The following NOL4L variants were observed in gnomAD, a reference collection of about 807,000 sequenced individuals.
NOL4L encodes nucleolar protein 4-like.
In NOL4L, 7 loss-of-function variants were observed where a neutral mutation model predicts 64.5. That is an observed-to-expected ratio of 0.11 (90% CI 0.06 to 0.20). The LOEUF is 0.20. Among genes scored for constraint, NOL4L ranks in the 10% least tolerant of loss-of-function variants. The pLI is 1.00. For synonymous variants in NOL4L, 413 were observed against 401.0 expected, an observed-to-expected ratio of 1.03 and a Z score of -0.36; for missense variants, 680 against 967.1, an observed-to-expected ratio of 0.70 and a Z score of 3.94.
At chr20:32,480,235 C>G (rs1260670311) in intron 4 of NOL4L, among the ~76,000 whole-genome samples, 1 of 152,184 alleles carries the variant, frequency 6.6e-6, no homozygotes, top group African/African-American at 2.4e-5. Context: ...TTCCTGAGAG[C>G]TGTAATTCTA....
intron 1 of NOL4L, among the ~76,000 whole-genome samples, chr20:32,551,483 A>G (rs2018801758): frequency 6.6e-6 from 1 of 152,158 alleles, no homozygotes; most frequent in South Asian, 2.1e-4. Flanking sequence ...AAATGTCTTT[A>G]AGTGGTGCAT....
chr20:32,486,628 A>C, intron 4 of NOL4L: 1 of 451,612 alleles, frequency 2.2e-6, no homozygotes, highest in South Asian at 1.6e-5. Context: ...CTGTTCAAGC[A>C]CGTCAAAACA....
intron 1 of NOL4L, among the ~76,000 whole-genome samples, chr20:32,570,559 G>A (rs1476745306): frequency 6.6e-6 from 1 of 152,114 alleles, no homozygotes; most frequent in African/African-American, 2.4e-5. Context: ...CAGGCGCAGG[G>A]ATTGAGTTCC....
chr20:32,470,398 T>C (rs1056523722), intron 5 of NOL4L, among the ~76,000 whole-genome samples: 2 of 152,232 alleles, frequency 1.3e-5, no homozygotes, highest in Non-Finnish European at 2.9e-5. Flanking sequence ...CACTCATTCA[T>C]TCAACAAACA....
intron 1 of NOL4L, chr20:32,535,831 G>A: frequency 1.0e-6 from 1 of 985,592 alleles, no homozygotes; most frequent in Non-Finnish European, 1.2e-6. Flanking sequence ...AGGGGCTGGG[G>A]AAATGCAGAT....
rs2012245017 is a variant in NOL4L at position 32,444,376 on chromosome 20, C to T, written c.*3220G>A. On this transcript the variant is annotated 3_prime_UTR_variant, in exon 11 of 11. Coordinates refer to ENST00000621426, the MANE Select transcript of NOL4L (RefSeq NM_001256798.2). ...AAATTACAAATTAAAAGTATCAACC[C>T]TCTGAGTTCAAAGCAGCATTTTGAA... is the stretch of plus-strand genomic sequence containing the variant. 6.6e-6 allele frequency: 1 copy of T among 152,138 alleles called. No individual in the cohort carries two copies. Among genetic ancestry groups the T allele is most frequent in the Non-Finnish European group, 1.5e-5 (1 of 68,026 alleles). The allele number at this position is 152,138 out of a possible 1,614,324, so 9.4% of individuals were successfully genotyped here.
Position 32,447,734 on chromosome 20 carries a change from G to C in NOL4L, c.1905C>G (p.Ser635Arg). ...PTPTPSSTST[S>R]RPVPTAQLSP... ...TGAGCTGAGCGGTGGGCACGGGCCTGCTGGTGCTGGTGCTGGAGGGGGTGG... is the reference window on the plus strand; with the variant it reads ...TGAGCTGAGCGGTGGGCACGGGCCTCCTGGTGCTGGTGCTGGAGGGGGTGG... The change falls in exon 11 of 11, where the codon AGC becomes AGG. Residue 635 changes from serine to arginine, a missense_variant. Ser to Arg is a moderately radical substitution (Grantham distance 110). Coordinates refer to ENST00000621426, the MANE Select transcript of NOL4L (RefSeq NM_001256798.2). 1 of 1,601,100 alleles carries C rather than the reference G, an allele frequency of 6.2e-7. No individual in the cohort carries two copies. The highest frequency in any genetic ancestry group is 8.5e-7 in the Non-Finnish European group (1 of 1,172,514).
intron 1 of NOL4L, among the ~76,000 whole-genome samples, chr20:32,566,650 C>T (rs1979447038): frequency 6.6e-6 from 1 of 152,178 alleles, no homozygotes; most frequent in African/African-American, 2.4e-5. Context: ...CACCCAATTC[C>T]CGTATAATTT....
chr20:32,447,941 G>A (rs569209037), intron 10 of NOL4L, 125 bp from the exon 11 acceptor site: 32 of 1,279,156 alleles, frequency 2.5e-5, no homozygotes, highest in African/African-American at 6.0e-5. Context: ...ACTGAAGTCC[G>A]TGGCTCTGGT....
chr20:32,570,501 T>C (rs1461737235), intron 1 of NOL4L, among the ~76,000 whole-genome samples: 1 of 152,164 alleles, frequency 6.6e-6, no homozygotes, highest in Non-Finnish European at 1.5e-5. Flanking sequence ...GCTCTTTCCA[T>C]AGTACCCTTC....
intron 1 of NOL4L, among the ~76,000 whole-genome samples, chr20:32,583,653 C>T (rs957572511): frequency 1.3e-5 from 2 of 149,808 alleles, no homozygotes; most frequent in Non-Finnish European, 3.0e-5. Context: ...GCCGCCCCCC[C>T]CCCAGCCCCC....
At chr20:32,522,624 A>T (rs2017986040) in intron 2 of NOL4L, among the ~76,000 whole-genome samples, 1 of 152,198 alleles carries the variant, frequency 6.6e-6, no homozygotes, top group South Asian at 2.1e-4. Context: ...AGAGCAGCCC[A>T]GGGCTGCCTG....
chr20:32,533,566 C>T (rs912250118), intron 1 of NOL4L: 10 of 152,094 alleles, frequency 6.6e-5, no homozygotes, highest in African/African-American at 1.9e-4. Flanking sequence ...TTTTCATTTC[C>T]GATGAAGGCC....
chr20:32,492,429 G>C (rs1443741686), intron 4 of NOL4L, among the ~76,000 whole-genome samples: 1 of 152,244 alleles, frequency 6.6e-6, no homozygotes, highest in African/African-American at 2.4e-5. Flanking sequence ...GCAGTGACTA[G>C]AGGGAGCACA....
chr20:32,536,799 TGG>T (rs1315042922), intron 1 of NOL4L, among the ~76,000 whole-genome samples: 16,860 of 31,854 alleles, frequency 0.53, 3,892 homozygotes, highest in East Asian at 0.84. Flanking sequence ...CGGCTGGGAG[TGG>T]GGGGGGGGGG....
chr20:32,584,908 C>A lies in NOL4L; in HGVS notation c.-18G>T. 1.7e-6 allele frequency: 2 copies of A among 1,210,208 alleles called. No homozygotes were observed. Among genetic ancestry groups the A allele is most frequent in the African/African-American group, 3.2e-5 (2 of 62,904 alleles). The allele number at this position is 1,210,208 out of a possible 1,614,324, so 75.0% of individuals were successfully genotyped here. ...TTCGGCATCCTCCCGCCGCGCCCGGCGCCCTCGGGGGCGGGCCGGCCGCCG... is the reference window on the plus strand; with the variant it reads ...TTCGGCATCCTCCCGCCGCGCCCGGAGCCCTCGGGGGCGGGCCGGCCGCCG... On this transcript the variant is annotated 5_prime_UTR_variant, in exon 1 of 11. Transcript: ENST00000621426.
chr20:32,543,781 C>T (rs1406185784), intron 1 of NOL4L, among the ~76,000 whole-genome samples: 3 of 151,752 alleles, frequency 2.0e-5, no homozygotes, highest in Admixed American at 6.6e-5. Flanking sequence ...CAGAGGGAGA[C>T]CTTGTCTCAG....
chr20:32,509,682 A>G (rs886982554), intron 4 of NOL4L: 2 of 1,125,688 alleles, frequency 1.8e-6, no homozygotes, highest in African/African-American at 3.2e-5. Flanking sequence ...CCCTCCTTCC[A>G]TTGACGCAAG....
intron 1 of NOL4L, among the ~76,000 whole-genome samples, chr20:32,580,962 C>G (rs887795777): frequency 6.6e-6 from 1 of 152,346 alleles, no homozygotes; most frequent in Admixed American, 6.5e-5. Flanking sequence ...TGGCCAATGC[C>G]GGAACGGAAT....
Sources: gnomAD v4.1 joint callset for allele counts (sites outside exome capture counted in the v4.1 genomes callset) on GRCh38, gnomAD v4.1.1 for gene constraint, MANE v1.5 for transcripts, NCBI Gene and HGNC (gene_info 2026-07-23, HGNC 2026-07-21) for gene names.